BCAS1: variants seen among roughly 807,000 people sequenced by gnomAD.
BCAS1 encodes the protein breast carcinoma-amplified sequence 1.
A neutral mutation model predicts 65.4 loss-of-function variants in BCAS1; 46 were observed. The ratio of observed to expected loss-of-function variants is 0.70; its 90% CI spans 0.55 to 0.90. The LOEUF is 0.90. BCAS1 is among the 40% of genes least tolerant of loss of function. BCAS1 has a pLI of 0.00. For synonymous variants in BCAS1, 298 were observed against 293.5 expected, an observed-to-expected ratio of 1.02 and a Z score of -0.16; for missense variants, 793 against 771.2, an observed-to-expected ratio of 1.03 and a Z score of -0.33.
At chr20:53,970,940 T>A (rs2090163893) in intron 9 of BCAS1, among the ~76,000 whole-genome samples, 1 of 152,068 alleles carries the variant, frequency 6.6e-6, no homozygotes, top group Non-Finnish European at 1.5e-5. Context: ...TTCTACTCAG[T>A]AACTATTCTC....
chr20:53,970,662 T>C (rs1438966718), intron 9 of BCAS1, among the ~76,000 whole-genome samples: 1 of 152,180 alleles, frequency 6.6e-6, no homozygotes, highest in Admixed American at 6.5e-5. Flanking sequence ...GGCAGGTACA[T>C]CTAACATTGA....
At chr20:54,049,255 T>C (rs1163340984) in intron 3 of BCAS1, among the ~76,000 whole-genome samples, 4 of 152,208 alleles carry the variant, frequency 2.6e-5, no homozygotes, top group African/African-American at 7.2e-5. Context: ...TTAGGAACAA[T>C]GACTAGGAGC....
intron 7 of BCAS1, among the ~76,000 whole-genome samples, chr20:53,989,296 C>G (rs1245124612): frequency 6.6e-6 from 1 of 151,992 alleles, no homozygotes; most frequent in African/African-American, 2.4e-5. Flanking sequence ...ATCCAGAAAC[C>G]CTTCAAAAAC....
chr20:53,946,575 A>G (rs1241300568), intron 12 of BCAS1, among the ~76,000 whole-genome samples: 4 of 150,986 alleles, frequency 2.6e-5, no homozygotes, highest in Non-Finnish European at 5.9e-5. Flanking sequence ...GTATTGTAGC[A>G]TAGTATATAT....
At chr20:54,044,264 C>T (rs1284471580) in intron 3 of BCAS1, among the ~76,000 whole-genome samples, 2 of 152,176 alleles carry the variant, frequency 1.3e-5, no homozygotes, top group Non-Finnish European at 2.9e-5. Context: ...TCTGTCCTAT[C>T]TCTCTTGGTC....
intron 2 of BCAS1, 34 bp downstream of exon 2, chr20:54,058,613 T>TTTTTGCTGATGCCC: frequency 6.5e-7 from 1 of 1,534,278 alleles, no homozygotes. Context: ...TTTTTTTTTT[T>TTTTTGCTGATGCCC]CTGCTGATGC....
intron 4 of BCAS1, among the ~76,000 whole-genome samples, chr20:54,008,605 G>A (rs1290458520): frequency 6.6e-6 from 1 of 152,162 alleles, no homozygotes; most frequent in Non-Finnish European, 1.5e-5. Flanking sequence ...AGTACTGCTG[G>A]AATGGTGTCC....
At position 54,028,718 on chromosome 20, in the gene BCAS1, C is replaced by G. The variant is rs1194222159; in HGVS notation, c.397G>C (p.Asp133His). 3 of 1,614,198 alleles carry G rather than the reference C, an allele frequency of 1.9e-6. No homozygotes were observed. Among genetic ancestry groups the G allele is most frequent in the East Asian group, 4.5e-5 (2 of 44,892 alleles). Reference protein sequence around the residue: ...VSSNKAPANKDPSESWTLPVA... With the variant: ...VSSNKAPANKHPSESWTLPVA... The stretch of plus-strand genomic sequence containing the variant: ...GGAAGTGTCCAGCTCTCACTTGGGT[C>G]TTTGTTCGCTGGAGCTTTATTGGAG... Residue 133 changes from aspartate (D) to histidine (H), a missense_variant, in exon 4 of 13, where the codon GAC (aspartate) becomes CAC (histidine). Coordinates refer to ENST00000688948, the MANE Select transcript of BCAS1 (RefSeq NM_001366298.2).
intron 7 of BCAS1, among the ~76,000 whole-genome samples, chr20:53,987,765 T>C (rs968733444): frequency 1.3e-5 from 2 of 152,130 alleles, no homozygotes; most frequent in African/African-American, 2.4e-5. Context: ...GATCCACTCA[T>C]GAAAATCAGG....
At chr20:54,026,956 CTG>C (rs994161489) in intron 4 of BCAS1, among the ~76,000 whole-genome samples, 26 of 152,362 alleles carry the variant, frequency 1.7e-4, no homozygotes, top group African/African-American at 6.3e-4. Flanking sequence ...GGCCGAGACT[CTG>C]TGTCTCGCCC....
In BCAS1 at chr20:54,028,723, T is replaced by C. The variant is rs1437919652; in HGVS notation, c.392A>G (p.Asn131Ser). 6.8e-6 allele frequency: 11 copies of C among 1,614,198 alleles called. No homozygotes were observed. Among genetic ancestry groups the C allele is most frequent in the South Asian group, 1.1e-5 (1 of 91,082 alleles). ...TGTCCAGCTCTCACTTGGGTCTTTG[T>C]TCGCTGGAGCTTTATTGGAGCTGAC... ...LDVSSNKAPA[N>S]KDPSESWTLP... is the part of the protein sequence containing the mutation. The change falls in exon 4 of 13, where the codon AAC becomes AGC. Residue 131 changes from asparagine to serine, a missense_variant. Physicochemically the swap from Asn to Ser is conservative, Grantham distance 46. Coordinates refer to ENST00000688948, the MANE Select transcript of BCAS1 (RefSeq NM_001366298.2).
At chr20:54,062,136 C>G (rs1212895234) in intron 1 of BCAS1, among the ~76,000 whole-genome samples, 1 of 152,152 alleles carries the variant, frequency 6.6e-6, no homozygotes, top group Admixed American at 6.5e-5. Flanking sequence ...GCAACAGACA[C>G]CTATGGCCTG....
chr20:53,960,392 A>T (rs1180225809), intron 10 of BCAS1, among the ~76,000 whole-genome samples: 1 of 147,730 alleles, frequency 6.8e-6, no homozygotes, highest in Non-Finnish European at 1.5e-5. Flanking sequence ...ACAGCAGCTG[A>T]TCTCAGCTGA....
chr20:53,990,826 TA>T (rs2090737763), intron 7 of BCAS1, among the ~76,000 whole-genome samples: 1 of 152,150 alleles, frequency 6.6e-6, no homozygotes, highest in Admixed American at 6.5e-5. Flanking sequence ...TACACTTACA[TA>T]AAAAAATACA....
Position 54,028,389 on chromosome 20 carries a change from T to C in BCAS1, c.723+3A>G. 1.2e-6 allele frequency: 2 copies of C among 1,614,186 alleles called. No homozygotes were observed. Among genetic ancestry groups the C allele is most frequent in the Non-Finnish European group, 1.7e-6 (2 of 1,180,008 alleles). On this transcript the variant is annotated splice_donor_region_variant and intron_variant, in intron 4 of 12. Transcript: ENST00000688948. ...CCAAGTGGATACACCTTGGCACACT[T>C]ACCTTCCCTGCAGGGACATCATCGG... is the stretch of plus-strand genomic sequence containing the variant.
chr20:54,043,205 C>A (rs73132907), intron 3 of BCAS1, among the ~76,000 whole-genome samples: 1 of 152,172 alleles, frequency 6.6e-6, no homozygotes, highest in East Asian at 1.9e-4. Flanking sequence ...CACATTGTGA[C>A]GGGCAGGATG....
Position 54,028,915 on chromosome 20 carries a change from G to C in BCAS1, c.200C>G (p.Thr67Arg), listed in dbSNP as rs75689739. The C allele has an allele frequency of 8.7e-6, 14 of 1,613,944 alleles. No individual in the cohort carries two copies. The highest frequency in any genetic ancestry group is 6.7e-5 in the East Asian group (3 of 44,874). ...DNVATSSPET[T>R]EISAVADANG... is the part of the protein sequence containing the mutation. Reference sequence around the variant, plus strand: ...GGCATCCGCAACAGCACTTATCTCCGTTGTCTCGGGGGAAGAAGTGGCCAC... The same window carrying C: ...GGCATCCGCAACAGCACTTATCTCCCTTGTCTCGGGGGAAGAAGTGGCCAC... Residue 67 changes from threonine (T) to arginine (R), a missense_variant, in exon 4 of 13, where the codon ACG becomes AGG. Physicochemically the swap from Thr to Arg is moderately conservative, Grantham distance 71. Transcript: ENST00000688948.
At chr20:54,007,488 A>C (rs974128681) in intron 4 of BCAS1, among the ~76,000 whole-genome samples, 2 of 152,238 alleles carry the variant, frequency 1.3e-5, no homozygotes, top group Non-Finnish European at 2.9e-5. Context: ...CCAGGAACAC[A>C]GGAGCCCGCT....
chr20:54,004,430 C>T (rs1315909363), intron 4 of BCAS1, among the ~76,000 whole-genome samples: 1 of 152,172 alleles, frequency 6.6e-6, no homozygotes, highest in Admixed American at 6.5e-5. Context: ...AAAAATATGT[C>T]CAGCATCAAC....
Sources: allele counts gnomAD v4.1 joint callset (sites outside exome capture counted in the v4.1 genomes callset), GRCh38; gene constraint gnomAD v4.1.1; transcripts MANE v1.5; gene names NCBI Gene and HGNC (gene_info 2026-07-23, HGNC 2026-07-21).